The following SLC30A8 variants were observed in gnomAD, a reference collection of about 807,000 sequenced individuals.
SLC30A8 encodes proton-coupled zinc antiporter SLC30A8.
Under a neutral mutation model 36.9 loss-of-function variants are expected in SLC30A8, and 27 were observed. The ratio of observed to expected loss-of-function variants is 0.73; its 90% CI spans 0.54 to 1.01. SLC30A8 has a LOEUF of 1.01. SLC30A8 is among the 50% of genes least tolerant of loss of function. The probability of loss-of-function intolerance (pLI) is 0.00; values close to 1 mark genes in which losing one functional copy is unlikely to be tolerated. For synonymous variants in SLC30A8, 164 were observed against 172.4 expected (o/e 0.95, Z 0.38); for missense variants, 439 against 452.0 (o/e 0.97, Z 0.26).
At chr8:117,099,907 A>G (rs975405232) in intron 2 of SLC30A8, among the ~76,000 whole-genome samples, 1 of 152,192 alleles carries the variant, frequency 6.6e-6, no homozygotes, top group Non-Finnish European at 1.5e-5. Context: ...TGAGGTAGGT[A>G]CTATTGTTAT....
intron 1 of SLC30A8, among the ~76,000 whole-genome samples, chr8:116,957,796 G>C (rs1374540671): frequency 6.6e-6 from 1 of 152,236 alleles, no homozygotes. Context: ...TGCTGATTTT[G>C]GGTGATATTT....
At chr8:117,146,582 A>G (rs1029055343) in intron 1 of SLC30A8, among the ~76,000 whole-genome samples, 3 of 151,618 alleles carry the variant, frequency 2.0e-5, no homozygotes, top group Non-Finnish European at 4.4e-5. Flanking sequence ...ATGTACCCTA[A>G]TTTATTTTAT....
intron 2 of SLC30A8, among the ~76,000 whole-genome samples, chr8:117,050,412 T>C (rs544539174): frequency 6.6e-6 from 1 of 150,570 alleles, no homozygotes; most frequent in African/African-American, 2.4e-5. Flanking sequence ...TTCTTTCTTT[T>C]TTTTTTTTTT....
chr8:117,042,951 C>G (rs568980073), intron 2 of SLC30A8, among the ~76,000 whole-genome samples: 2 of 152,310 alleles, frequency 1.3e-5, no homozygotes, highest in South Asian at 4.1e-4. Context: ...GCTGGGATTA[C>G]AGGCGTGAGC....
At chr8:116,954,695 A>G (rs1029045184) in intron 1 of SLC30A8, among the ~76,000 whole-genome samples, 1 of 152,220 alleles carries the variant, frequency 6.6e-6, no homozygotes, top group Non-Finnish European at 1.5e-5. Flanking sequence ...CATTCTTTCA[A>G]ATAGTTTGGT....
At chr8:117,025,742 T>C (rs1586414531) in intron 1 of SLC30A8, among the ~76,000 whole-genome samples, 1 of 152,222 alleles carries the variant, frequency 6.6e-6, no homozygotes, top group African/African-American at 2.4e-5. Flanking sequence ...CTAAGCTTCC[T>C]AGTAGAGCTT....
intron 1 of SLC30A8, among the ~76,000 whole-genome samples, chr8:117,003,147 C>G (rs1375112859): frequency 2.6e-5 from 4 of 152,188 alleles, no homozygotes; most frequent in African/African-American, 9.6e-5. Flanking sequence ...GTATAAAATT[C>G]AAGGTCCACA....
chr8:117,079,062 A>G (rs1818579867), intron 2 of SLC30A8, among the ~76,000 whole-genome samples: 1 of 151,324 alleles, frequency 6.6e-6, no homozygotes, highest in Admixed American at 6.6e-5. Flanking sequence ...TCCAGGCTGG[A>G]GTGCAGTGGC....
chr8:116,976,810 C>CT, intron 1 of SLC30A8, among the ~76,000 whole-genome samples: 2 of 137,934 alleles, frequency 1.4e-5, no homozygotes, highest in African/African-American at 6.3e-5. Context: ...TTCTTTCTTT[C>CT]TTTCTTTCTT....
chr8:117,130,484 T>TAAATGGTGGCATTCCAGATA (rs1216071086), upstream of SLC30A8, among the ~76,000 whole-genome samples: 1 of 151,994 alleles, frequency 6.6e-6, no homozygotes, highest in Non-Finnish European at 1.5e-5. Context: ...TCATGAAAAT[T>TAAATGGTGGCATTCCAGATA]AAATGGTGGC....
chr8:117,089,624 A>G (rs751592957), intron 2 of SLC30A8, among the ~76,000 whole-genome samples: 15 of 152,192 alleles, frequency 9.9e-5, no homozygotes, highest in Admixed American at 3.3e-4. Flanking sequence ...GGCAAGGCTC[A>G]GCTAGCATCC....
intron 6 of SLC30A8, among the ~76,000 whole-genome samples, chr8:117,170,352 A>G (rs1322092665): frequency 1.3e-5 from 2 of 152,168 alleles, no homozygotes; most frequent in Non-Finnish European, 2.9e-5. Flanking sequence ...ACATAACTGA[A>G]GTAGAGGCTA....
intron 2 of SLC30A8, among the ~76,000 whole-genome samples, chr8:117,083,603 A>G (rs1049838671): frequency 4.6e-5 from 7 of 152,162 alleles, no homozygotes; most frequent in Non-Finnish European, 1.0e-4. Flanking sequence ...TCCCTCCCCA[A>G]TAACCTTTTT....
At chr8:117,139,008 G>A (rs1821506809) in intron 1 of SLC30A8, among the ~76,000 whole-genome samples, 1 of 152,032 alleles carries the variant, frequency 6.6e-6, no homozygotes, top group Non-Finnish European at 1.5e-5. Flanking sequence ...GATTCTTCTG[G>A]TGGACAATTA....
intron 1 of SLC30A8, among the ~76,000 whole-genome samples, chr8:117,014,166 G>A (rs995438648): frequency 6.6e-6 from 1 of 152,120 alleles, no homozygotes; most frequent in African/African-American, 2.4e-5. Flanking sequence ...CTGAAGATGA[G>A]GGGATCAGTA....
intron 2 of SLC30A8, among the ~76,000 whole-genome samples, chr8:117,077,374 A>T (rs1295460233): frequency 6.6e-6 from 1 of 152,218 alleles, no homozygotes; most frequent in African/African-American, 2.4e-5. Flanking sequence ...GGTTGCTTGT[A>T]TAGGCATCTC....
At chr8:117,154,637 G>A (rs1425427513) in intron 3 of SLC30A8, among the ~76,000 whole-genome samples, 1 of 152,204 alleles carries the variant, frequency 6.6e-6, no homozygotes, top group African/African-American at 2.4e-5. Flanking sequence ...TTGTGACAAC[G>A]TGATCTGAGA....
intron 1 of SLC30A8, among the ~76,000 whole-genome samples, chr8:116,990,144 T>C (rs112208028): frequency 5.9e-5 from 9 of 152,220 alleles, no homozygotes; most frequent in African/African-American, 2.2e-4. Flanking sequence ...ACATGCTATA[T>C]ACTGGTTTAA....
intron 2 of SLC30A8, among the ~76,000 whole-genome samples, chr8:117,092,010 T>C (rs1331409076): frequency 1.3e-5 from 2 of 152,200 alleles, no homozygotes; most frequent in Non-Finnish European, 2.9e-5. Flanking sequence ...CCCTGTATTA[T>C]GCTGAAAATG....
Sources: allele counts gnomAD v4.1 joint callset (sites outside exome capture counted in the v4.1 genomes callset), GRCh38; gene constraint gnomAD v4.1.1; transcripts MANE v1.5; gene names NCBI Gene and HGNC (gene_info 2026-07-23, HGNC 2026-07-21).